The following PAK5 variants were observed in gnomAD, a reference collection of about 807,000 sequenced individuals.
PAK5 encodes serine/threonine-protein kinase PAK 5.
A neutral mutation model predicts 65.9 loss-of-function variants in PAK5; 16 were observed. The ratio of observed to expected loss-of-function variants is 0.24; its 90% CI spans 0.16 to 0.37. PAK5 has a LOEUF of 0.37. Among genes scored for constraint, PAK5 ranks in the 10% least tolerant of loss-of-function variants. PAK5 has a pLI of 1.00. For missense variants in PAK5, 785 were observed against 903.9 expected (o/e 0.87, Z 1.69); for synonymous variants, 371 against 354.9 (o/e 1.05, Z -0.51).
Position 9,539,622 on chromosome 20 carries a change from G to C in PAK5, c.2005-5C>G. On this transcript the variant is annotated splice_polypyrimidine_tract_variant and splice_region_variant and intron_variant, in intron 9 of 9. Transcript: ENST00000353224. ...TCCCCGGAGCACTGAAGAAACCTGT[G>C]AAAACACACAGATACCAATCTGAGG... The C allele has an allele frequency of 1.9e-6, 3 of 1,612,612 alleles. No homozygotes were observed. Among genetic ancestry groups the C allele is most frequent in the African/African-American group, 2.7e-5 (2 of 75,012 alleles).
In PAK5 at chr20:9,767,585, C is replaced by T. The variant is rs1219321742; in HGVS notation, c.-161-56150G>A. 2.0e-5 allele frequency among the ~76,000 whole-genome samples: 3 copies of T among 152,138 alleles called. No individual in the cohort carries two copies. In the South Asian group the frequency reaches 6.2e-4, roughly 32 times the overall value. ...CTCTAGTATCTAAAACTGAGCCTAG[C>T]AGAGTGGGCAATCCATAAAAGTGCC... is the stretch of plus-strand genomic sequence containing the variant. On this transcript the variant is annotated intron_variant, in intron 1 of 9. Transcript: ENST00000353224.
intron 1 of PAK5, among the ~76,000 whole-genome samples, chr20:9,742,284 A>C (rs1245319225): frequency 6.6e-6 from 1 of 152,216 alleles, no homozygotes; most frequent in Non-Finnish European, 1.5e-5. Flanking sequence ...CCAAATAAAA[A>C]GTGAAAGAAA....
intron 5 of PAK5, 24 bp downstream of exon 5, chr20:9,565,869 G>C: frequency 3.2e-6 from 5 of 1,585,774 alleles, no homozygotes; most frequent in Non-Finnish European, 4.3e-6. Context: ...AGGAGAGAAA[G>C]GATGACCCAA....
At position 9,655,873 on chromosome 20, in the gene PAK5, T is replaced by G. The variant is rs113594672; in HGVS notation, c.-11-11534A>C. ...CTTCTCTCCCTGGCTTGTAGATGAC[T>G]TCTTCCCCCTACATATGACTGTGTC... On this transcript the variant is annotated intron_variant, in intron 2 of 9. Coordinates refer to ENST00000353224, the MANE Select transcript of PAK5 (RefSeq NM_177990.4). 8.7e-3 allele frequency among the ~76,000 whole-genome samples: 1,330 copies of G among 152,274 alleles called. 14 individuals are homozygous for G. Among genetic ancestry groups the G allele is most frequent in the African/African-American group, 0.03 (1,230 of 41,564 alleles).
chr20:9,544,364 C>T lies in PAK5; in HGVS notation c.1869+5G>A. 1 of 1,613,644 alleles carries T rather than the reference C, an allele frequency of 6.2e-7. No individual in the cohort carries two copies. The highest frequency in any genetic ancestry group is 8.5e-7 in the Non-Finnish European group (1 of 1,179,874). ...CTGCCACGCCTATGACTGTGACCCC[C>T]TTACCTCTGTCCCATAAGGTAGCCT... is the stretch of plus-strand genomic sequence containing the variant. On this transcript the variant is annotated splice_donor_5th_base_variant and intron_variant, in intron 8 of 9. Coordinates refer to ENST00000353224, the MANE Select transcript of PAK5 (RefSeq NM_177990.4).
At chr20:9,636,396 C>G (rs2046983567) in intron 3 of PAK5, among the ~76,000 whole-genome samples, 1 of 152,152 alleles carries the variant, frequency 6.6e-6, no homozygotes, top group African/African-American at 2.4e-5. Context: ...AGATTTACCT[C>G]TCTTGATTTT....
chr20:9,797,535 T>C (rs949471954), intron 1 of PAK5, among the ~76,000 whole-genome samples: 2 of 150,474 alleles, frequency 1.3e-5, no homozygotes, highest in African/African-American at 2.4e-5. Flanking sequence ...TTAGGAGACA[T>C]ACCTAATGTA....
chr20:9,662,817 A>T (rs1376006764), intron 2 of PAK5, among the ~76,000 whole-genome samples: 1 of 152,164 alleles, frequency 6.6e-6, no homozygotes, highest in Non-Finnish European at 1.5e-5. Context: ...AGCAAATAGC[A>T]TTAGCCTCAC....
chr20:9,662,773 T>C (rs2123337818), intron 2 of PAK5, among the ~76,000 whole-genome samples: 1 of 152,262 alleles, frequency 6.6e-6, no homozygotes, highest in East Asian at 1.9e-4. Context: ...AATATACTTA[T>C]CATTTTTTTT....
rs568647942 is a variant in PAK5 at position 9,834,428 on chromosome 20, A to AC, written c.-162+4333dup. On this transcript the variant is annotated intron_variant, in intron 1 of 9. Transcript: ENST00000353224. ...AACAATTCAGGATTTTGACAGAAACACACCAGGAACTTGTCGCCTTATAAA... is the reference window on the plus strand; with the variant it reads ...AACAATTCAGGATTTTGACAGAAACACCACCAGGAACTTGTCGCCTTATAAA... Among the ~76,000 whole-genome samples, 15 of 152,320 alleles carry AC rather than the reference A, an allele frequency of 9.8e-5. 1 individual carries two copies. Among genetic ancestry groups the AC allele is most frequent in the South Asian group, 6.2e-4 (3 of 4,824 alleles).
chr20:9,688,724 C>T (rs927413135), intron 2 of PAK5, among the ~76,000 whole-genome samples: 1 of 152,024 alleles, frequency 6.6e-6, no homozygotes, highest in African/African-American at 2.4e-5. Flanking sequence ...AACACTTCAC[C>T]TGTGCAGCTC....
intron 3 of PAK5, among the ~76,000 whole-genome samples, chr20:9,613,352 A>C (rs1301047287): frequency 6.6e-6 from 1 of 152,244 alleles, no homozygotes; most frequent in Non-Finnish European, 1.5e-5. Flanking sequence ...CCAGAGCAGA[A>C]ACCCACAGGC....
chr20:9,687,740 G>A (rs927540404), intron 2 of PAK5, among the ~76,000 whole-genome samples: 5 of 152,086 alleles, frequency 3.3e-5, no homozygotes, highest in Non-Finnish European at 5.9e-5. Flanking sequence ...TCCACCATGT[G>A]CCCAGCACTG....
intron 1 of PAK5, among the ~76,000 whole-genome samples, chr20:9,774,113 T>C (rs1470897560): frequency 2.0e-5 from 3 of 152,124 alleles, no homozygotes; most frequent in African/African-American, 7.2e-5. Flanking sequence ...GGTAAGAAAG[T>C]GTCAATCTGG....
At chr20:9,740,384 T>C (rs1167768151) in intron 1 of PAK5, among the ~76,000 whole-genome samples, 1 of 152,178 alleles carries the variant, frequency 6.6e-6, no homozygotes, top group Non-Finnish European at 1.5e-5. Context: ...TGGCTCTGTC[T>C]TTTTGCTATC....
At chr20:9,639,268 C>T (rs1040514221) in intron 3 of PAK5, among the ~76,000 whole-genome samples, 1 of 152,126 alleles carries the variant, frequency 6.6e-6, no homozygotes, top group Admixed American at 6.5e-5. Context: ...TTGTAAGAGT[C>T]TGGTAGTCAC....
At chr20:9,753,347 C>A (rs78277772) in intron 1 of PAK5, among the ~76,000 whole-genome samples, 8,397 of 152,020 alleles carry the variant, frequency 0.055, 670 homozygotes, top group East Asian at 0.33. Context: ...GATTTATTAT[C>A]ATCAAAAAAG....
At chr20:9,789,542 T>A (rs920698333) in intron 1 of PAK5, among the ~76,000 whole-genome samples, 1 of 152,198 alleles carries the variant, frequency 6.6e-6, no homozygotes, top group Non-Finnish European at 1.5e-5. Context: ...TGTTTACTTT[T>A]TCCATTATTA....
chr20:9,786,025 T>C (rs2048989271), intron 1 of PAK5, among the ~76,000 whole-genome samples: 1 of 152,156 alleles, frequency 6.6e-6, no homozygotes, highest in Non-Finnish European at 1.5e-5. Context: ...CCATTCTTAG[T>C]ACATAAGCCT....
Sources: gnomAD v4.1 joint callset for allele counts (sites outside exome capture counted in the v4.1 genomes callset) on GRCh38, gnomAD v4.1.1 for gene constraint, MANE v1.5 for transcripts, NCBI Gene and HGNC (gene_info 2026-07-23, HGNC 2026-07-21) for gene names.